LPIN2: variants seen among roughly 807,000 people sequenced by gnomAD.
LPIN2 encodes the protein phosphatidate phosphatase LPIN2.
LPIN2 carries 55 observed loss-of-function variants against 111.4 expected under a neutral mutation model. That is an observed-to-expected ratio of 0.49 (90% CI 0.40 to 0.62). The LOEUF is 0.62. LPIN2 is among the 20% of genes least tolerant of loss of function. LPIN2 has a pLI of 0.00. For missense variants in LPIN2, 992 were observed against 1,112.1 expected, an observed-to-expected ratio of 0.89 and a Z score of 1.54; for synonymous variants, 425 against 414.0, an observed-to-expected ratio of 1.03 and a Z score of -0.32.
intron 4 of LPIN2, among the ~76,000 whole-genome samples, chr18:2,942,638 T>C (rs1373608295): frequency 6.6e-6 from 1 of 152,208 alleles, no homozygotes; most frequent in Non-Finnish European, 1.5e-5. Flanking sequence ...AGAGGTGGCC[T>C]TTTTTGGTCA....
At chr18:2,933,949 TC>T (rs1295382732) in intron 8 of LPIN2, among the ~76,000 whole-genome samples, 94 of 152,316 alleles carry the variant, frequency 6.2e-4, no homozygotes, top group African/African-American at 2.2e-3. Context: ...GATCTCAGAC[TC>T]CCAAGAAGTG....
chr18:2,920,258 G>A lies in LPIN2; in HGVS notation c.*35C>T, dbSNP rs758805367. 8 of 1,613,630 alleles carry A rather than the reference G, an allele frequency of 5.0e-6. No homozygotes were observed. The highest frequency in any genetic ancestry group is 4.2e-6 in the Non-Finnish European group (5 of 1,179,884). On this transcript the variant is annotated 3_prime_UTR_variant, in exon 20 of 20. Coordinates refer to ENST00000677752, the MANE Select transcript of LPIN2 (RefSeq NM_001375808.2). ...GCTGCCTTCCCTTGCTGTGGGGAGG[G>A]GGACCAAGCCCTGCCCACCCACTGA...
rs182085035 is a variant in LPIN2, at chr18:2,961,922, T to G, written c.-9-1073A>C. ...TGACTGCTCTCCAGGCTGTCTGCCA[T>G]AAGCAGCTCGTGGTTTCTCTACACC... On this transcript the variant is annotated intron_variant, in intron 1 of 19. Transcript: ENST00000677752. Among the ~76,000 whole-genome samples the G allele has an allele frequency of 1.6e-4, 24 of 152,316 alleles. 1 individual carries two copies. The highest frequency in any genetic ancestry group is 5.5e-4 in the African/African-American group (23 of 41,564).
chr18:2,928,886 T>C (rs974340328), intron 10 of LPIN2, among the ~76,000 whole-genome samples, 179 bp downstream of exon 10: 3 of 152,262 alleles, frequency 2.0e-5, no homozygotes, highest in Admixed American at 1.3e-4. Context: ...AACATTTCAA[T>C]GCTTCTTTTA....
intron 12 of LPIN2, among the ~76,000 whole-genome samples, chr18:2,927,506 T>C (rs1393099833): frequency 6.6e-6 from 1 of 152,220 alleles, no homozygotes; most frequent in Non-Finnish European, 1.5e-5. Flanking sequence ...TTTCCTTACC[T>C]GTGAAATGGC....
At chr18:2,924,240 C>G (rs116391325) in intron 15 of LPIN2, among the ~76,000 whole-genome samples, 158 bp downstream of exon 15, 1 of 152,188 alleles carries the variant, frequency 6.6e-6, no homozygotes, top group Non-Finnish European at 1.5e-5. Context: ...AAAATGACCC[C>G]ATGTGGACTG....
intron 1 of LPIN2, among the ~76,000 whole-genome samples, chr18:2,986,327 A>C (rs906301213): frequency 2.6e-5 from 4 of 152,212 alleles, no homozygotes; most frequent in Admixed American, 2.6e-4. Context: ...ATTCTAAACA[A>C]GATAGCTAGT....
At chr18:2,940,747 T>C (rs754654155) in intron 4 of LPIN2, 35 bp from the exon 5 acceptor site, 1 of 1,271,908 alleles carries the variant, frequency 7.9e-7, no homozygotes, top group Non-Finnish European at 1.1e-6. Flanking sequence ...GCAGGAACGA[T>C]GACATTCTTG....
chr18:2,939,636 A>C lies in LPIN2; in HGVS notation c.699-33T>G, dbSNP rs779700459. The C allele has an allele frequency of 1.9e-6, 3 of 1,608,898 alleles. No individual in the cohort carries two copies. The African/African-American group carries it at 4.0e-5, about 22-fold the overall frequency. ...GAGAACAAAGACACACGATGACTTG[A>C]AAGTCGGGAAACCTTCAGTCTTGCT... is the stretch of plus-strand genomic sequence containing the variant. On this transcript the variant is annotated intron_variant, in intron 5 of 19. Coordinates refer to ENST00000677752, the MANE Select transcript of LPIN2 (RefSeq NM_001375808.2).
chr18:2,934,283 A>C, intron 8 of LPIN2, 68 bp downstream of exon 8: 1 of 1,159,528 alleles, frequency 8.6e-7, no homozygotes, highest in East Asian at 2.4e-5. Context: ...TCCTGAGATG[A>C]AATGTTTTAC....
At chr18:3,002,259 C>CAAAAAAAAAAAAAAAAAAAAAT in intron 1 of LPIN2, among the ~76,000 whole-genome samples, 1 of 130,246 alleles carries the variant, frequency 7.7e-6, no homozygotes, top group Non-Finnish European at 1.6e-5. Context: ...AAAAAAAAAA[C>CAAAAAAAAAAAAAAAAAAAAAT]CCACCATAAC....
chr18:2,920,506 G>T (rs1369332916), intron 19 of LPIN2, 69 bp from the exon 20 acceptor site: 14 of 1,544,416 alleles, frequency 9.1e-6, no homozygotes, highest in Non-Finnish European at 1.3e-5. Flanking sequence ...AAGATGGGGG[G>T]CTGTGAAGCT....
At chr18:2,980,568 G>C (rs565986729) in intron 1 of LPIN2, among the ~76,000 whole-genome samples, 8 of 152,310 alleles carry the variant, frequency 5.3e-5, no homozygotes, top group African/African-American at 1.7e-4. Context: ...ACCACTGTTT[G>C]TGTTATTAAA....
chr18:2,993,575 G>A (rs1467519912), intron 1 of LPIN2, among the ~76,000 whole-genome samples: 4 of 150,144 alleles, frequency 2.7e-5, no homozygotes, highest in South Asian at 2.1e-4. Context: ...TTTTTACCAC[G>A]AGCTTGGTGA....
chr18:2,938,826 G>A (rs1240859484), intron 6 of LPIN2, among the ~76,000 whole-genome samples: 1 of 152,080 alleles, frequency 6.6e-6, no homozygotes, highest in Non-Finnish European at 1.5e-5. Flanking sequence ...TTCATTATGA[G>A]CTGGAAAAAA....
At chr18:2,988,754 T>G (rs985401203) in intron 1 of LPIN2, among the ~76,000 whole-genome samples, 2 of 152,226 alleles carry the variant, frequency 1.3e-5, no homozygotes, top group African/African-American at 4.8e-5. Flanking sequence ...AAGAGGCATC[T>G]GAAAGTTGCA....
chr18:2,951,485 A>G (rs781767186), intron 3 of LPIN2, 129 bp from the exon 4 acceptor site: 8 of 826,034 alleles, frequency 9.7e-6, no homozygotes, highest in Non-Finnish European at 1.3e-5. Context: ...TAAAGGCAAG[A>G]AAGTCCCACT....
At chr18:3,008,689 G>T (rs1217367351) in intron 1 of LPIN2, among the ~76,000 whole-genome samples, 1 of 151,972 alleles carries the variant, frequency 6.6e-6, no homozygotes, top group Non-Finnish European at 1.5e-5. Flanking sequence ...TTTAAACCTA[G>T]ATCCTTCCTT....
At chr18:2,965,815 A>G (rs1471423662) in intron 1 of LPIN2, among the ~76,000 whole-genome samples, 2 of 151,924 alleles carry the variant, frequency 1.3e-5, no homozygotes, top group Non-Finnish European at 2.9e-5. Context: ...TATTTCAATT[A>G]TTTGATGTGT....
Sources: gnomAD v4.1 joint callset for allele counts (sites outside exome capture counted in the v4.1 genomes callset) on GRCh38, gnomAD v4.1.1 for gene constraint, MANE v1.5 for transcripts, NCBI Gene and HGNC (gene_info 2026-07-23, HGNC 2026-07-21) for gene names.